The following PRKG1 variants were observed in gnomAD, a reference collection of about 807,000 sequenced individuals.
PRKG1 encodes cGMP-dependent protein kinase 1.
A neutral mutation model predicts 88.1 loss-of-function variants in PRKG1; 35 were observed. The ratio of observed to expected loss-of-function variants is 0.40; its 90% CI spans 0.30 to 0.53. PRKG1 has a LOEUF of 0.53. Among genes scored for constraint, PRKG1 ranks in the 20% least tolerant of loss-of-function variants. PRKG1 has a pLI of 0.59. For missense variants in PRKG1, 540 were observed against 839.8 expected (o/e 0.64, Z 4.41); for synonymous variants, 303 against 292.5 (o/e 1.04, Z -0.37).
intron 2 of PRKG1, among the ~76,000 whole-genome samples, chr10:51,274,345 C>G (rs1019150875): frequency 6.6e-6 from 1 of 152,096 alleles, no homozygotes; most frequent in Non-Finnish European, 1.5e-5. Flanking sequence ...ACTTTCATGT[C>G]CACTGAAAGT....
chr10:51,481,545 G>A lies in PRKG1; in HGVS notation c.592+13709G>A, dbSNP rs958617552. 1.2e-4 allele frequency among the ~76,000 whole-genome samples: 18 copies of A among 152,016 alleles called. 1 individual carries two copies. The highest frequency in any genetic ancestry group is 2.1e-4 in the Non-Finnish European group (14 of 68,008). On this transcript the variant is annotated intron_variant, in intron 3 of 17. Coordinates refer to ENST00000373980, the MANE Select transcript of PRKG1 (RefSeq NM_006258.4). ...ATTATAGGCATGAGCCACCATGCCC[G>A]GCCAGACTCTTTGGTTCAATAGAAT...
chr10:51,535,613 G>A (rs937458362), intron 3 of PRKG1, among the ~76,000 whole-genome samples: 1 of 151,872 alleles, frequency 6.6e-6, no homozygotes, highest in Admixed American at 6.6e-5. Context: ...TTCAAATGTA[G>A]TAGCTTAAAT....
Position 51,771,970 on chromosome 10 carries a change from G to A in PRKG1, c.593-32615G>A, listed in dbSNP as rs115893753. On this transcript the variant is annotated intron_variant, in intron 3 of 17. Transcript: ENST00000373980. ...ATAAAGCAATTAGAAATTCAGAATT[G>A]ATTACATTGTTATGGTATTTTTATT... Among the ~76,000 whole-genome samples, 437 of 151,982 alleles carry A rather than the reference G, an allele frequency of 2.9e-3. 2 individuals carry two copies. Among genetic ancestry groups the A allele is most frequent in the African/African-American group, 8.4e-3 (350 of 41,478 alleles).
rs10999465 is a variant in PRKG1, at chr10:51,787,970, C to T, written c.593-16615C>T. ...GGAGAAAGGTGAATAATGTGTCAAC[C>T]GACCTTTGGGTTTATGTAGTTGAGC... On this transcript the variant is annotated intron_variant, in intron 3 of 17. Transcript: ENST00000373980. 1.0e-3 allele frequency among the ~76,000 whole-genome samples: 155 copies of T among 152,176 alleles called. No individual in the cohort carries two copies. The East Asian group carries it at 0.015, about 15-fold the overall frequency.
chr10:51,752,882 C>T (rs1837762896), intron 3 of PRKG1, among the ~76,000 whole-genome samples: 1 of 152,100 alleles, frequency 6.6e-6, no homozygotes. Context: ...GTAGTTCCTA[C>T]ACAATTGTAG....
intron 5 of PRKG1, among the ~76,000 whole-genome samples, chr10:51,993,650 C>T (rs1844366764): frequency 6.6e-6 from 1 of 152,160 alleles, no homozygotes; most frequent in Non-Finnish European, 1.5e-5. Flanking sequence ...GTAGTGACAG[C>T]AGTAGCAACA....
chr10:52,094,494 C>T (rs911795249), intron 7 of PRKG1, among the ~76,000 whole-genome samples: 1 of 152,018 alleles, frequency 6.6e-6, no homozygotes, highest in African/African-American at 2.4e-5. Context: ...CACCACCGTT[C>T]ATATATTTAA....
intron 3 of PRKG1, among the ~76,000 whole-genome samples, chr10:51,742,546 C>A (rs1425264730): frequency 6.6e-6 from 1 of 152,088 alleles, no homozygotes; most frequent in Non-Finnish European, 1.5e-5. Context: ...AGGTAAGACC[C>A]TCAGCCATGC....
intron 2 of PRKG1, chr10:51,245,627 A>G (rs1388998073): frequency 6.6e-6 from 1 of 152,102 alleles, no homozygotes; most frequent in Admixed American, 6.6e-5. Flanking sequence ...TGGAACAGAC[A>G]TGTATATAAT....
intron 2 of PRKG1, among the ~76,000 whole-genome samples, chr10:51,162,947 G>T (rs1589210653): frequency 6.6e-6 from 1 of 152,052 alleles, no homozygotes; most frequent in Non-Finnish European, 1.5e-5. Context: ...TTAAATTTCT[G>T]GCCTGAGGTG....
At chr10:51,362,531 T>C (rs1168720069) in intron 2 of PRKG1, among the ~76,000 whole-genome samples, 1 of 151,918 alleles carries the variant, frequency 6.6e-6, no homozygotes, top group Non-Finnish European at 1.5e-5. Context: ...TTGACAATAT[T>C]GACCACCATT....
At chr10:51,387,675 C>T (rs1460361713) in intron 2 of PRKG1, among the ~76,000 whole-genome samples, 1 of 152,122 alleles carries the variant, frequency 6.6e-6, no homozygotes, top group Non-Finnish European at 1.5e-5. Context: ...GGTTAAGTGC[C>T]ACATAGCAGG....
At position 51,508,555 on chromosome 10, in the gene PRKG1, TA is replaced by T. The variant is rs201289771; in HGVS notation, c.592+40729del. ...TTTATCTTGTGAGAATGACTTTTTT[TA>T]AAAAAAAAACCTTAAATCTTTTGCT... On this transcript the variant is annotated intron_variant, in intron 3 of 17. Transcript: ENST00000373980. Among the ~76,000 whole-genome samples, 268 of 150,236 alleles carry T rather than the reference TA, an allele frequency of 1.8e-3. 3 individuals are homozygous for T. Among genetic ancestry groups the T allele is most frequent in the Non-Finnish European group, 3.0e-3 (204 of 67,444 alleles).
chr10:51,616,222 C>T (rs1238819867), intron 3 of PRKG1, among the ~76,000 whole-genome samples: 1 of 152,208 alleles, frequency 6.6e-6, no homozygotes, highest in Non-Finnish European at 1.5e-5. Context: ...GTATACACAT[C>T]CTTGAGCACC....
At chr10:52,210,730 A>G (rs1031619467) in intron 9 of PRKG1, among the ~76,000 whole-genome samples, 9 of 152,306 alleles carry the variant, frequency 5.9e-5, no homozygotes, top group Non-Finnish European at 7.3e-5. Context: ...TAAGTGGTCA[A>G]TAAGGAGGCT....
intron 5 of PRKG1, among the ~76,000 whole-genome samples, chr10:51,929,347 T>C (rs1453080965): frequency 2.1e-5 from 1 of 46,914 alleles, no homozygotes; most frequent in Admixed American, 2.1e-4. Flanking sequence ...AATTCCTTCC[T>C]TTTTTTTTTT....
At chr10:51,603,645 T>C (rs1838675608) in intron 3 of PRKG1, among the ~76,000 whole-genome samples, 1 of 152,208 alleles carries the variant, frequency 6.6e-6, no homozygotes, top group Non-Finnish European at 1.5e-5. Flanking sequence ...TCTCACTGGT[T>C]CTTAGGATAC....
At chr10:51,732,216 C>T (rs1226113590) in intron 3 of PRKG1, among the ~76,000 whole-genome samples, 4 of 152,104 alleles carry the variant, frequency 2.6e-5, no homozygotes, top group African/African-American at 7.2e-5. Flanking sequence ...TGAGCCAACA[C>T]ACCTGGCCCA....
intron 5 of PRKG1, among the ~76,000 whole-genome samples, chr10:51,942,919 T>G (rs1488702945): frequency 6.6e-6 from 1 of 151,442 alleles, no homozygotes; most frequent in Non-Finnish European, 1.5e-5. Context: ...TGGCTTAGGA[T>G]TGACTTGGCG....
Sources: allele counts gnomAD v4.1 joint callset (sites outside exome capture counted in the v4.1 genomes callset), GRCh38; gene constraint gnomAD v4.1.1; transcripts MANE v1.5; gene names NCBI Gene and HGNC (gene_info 2026-07-23, HGNC 2026-07-21).